The following GALNT10 variants were observed in gnomAD, a reference collection of about 807,000 sequenced individuals.
The protein encoded by GALNT10 is polypeptide N-acetylgalactosaminyltransferase 10.
A neutral mutation model predicts 75.0 loss-of-function variants in GALNT10; 41 were observed. That is an observed-to-expected ratio of 0.55 (90% CI 0.43 to 0.71). The LOEUF (loss-of-function observed/expected upper bound fraction) is 0.71. Ranked by LOEUF, GALNT10 falls within the 30% of genes least tolerant of loss-of-function variation. GALNT10 has a pLI of 0.00. For missense variants in GALNT10, 727 were observed against 818.5 expected (o/e 0.89, Z 1.36); for synonymous variants, 302 against 313.0 (o/e 0.96, Z 0.37).
At chr5:154,334,854 A>G (rs1416058928) in intron 4 of GALNT10, among the ~76,000 whole-genome samples, 2 of 152,202 alleles carry the variant, frequency 1.3e-5, no homozygotes, top group African/African-American at 4.8e-5. Context: ...TTCACATGGT[A>G]GTGAGCTCAC....
At chr5:154,374,544 A>T (rs1755626990) in intron 4 of GALNT10, among the ~76,000 whole-genome samples, 2 of 152,216 alleles carry the variant, frequency 1.3e-5, no homozygotes, top group Admixed American at 1.3e-4. Context: ...GCTGGAGTGC[A>T]GTGGCTCGAT....
chr5:154,217,006 G>C (rs373180718), intron 1 of GALNT10, among the ~76,000 whole-genome samples: 2 of 152,094 alleles, frequency 1.3e-5, no homozygotes, highest in East Asian at 3.9e-4. Flanking sequence ...TTATGAGACC[G>C]TTGTTACCTT....
intron 1 of GALNT10, among the ~76,000 whole-genome samples, chr5:154,244,166 G>C (rs1345078132): frequency 6.6e-6 from 1 of 152,200 alleles, no homozygotes; most frequent in Admixed American, 6.5e-5. Context: ...GCCACTGCTG[G>C]GAATGGAGTG....
intron 4 of GALNT10, chr5:154,338,044 A>G (rs1754970630): frequency 1.4e-6 from 2 of 1,392,622 alleles, no homozygotes; most frequent in African/African-American, 2.8e-5. Context: ...TCATTTTTCC[A>G]TACTGTTCAA....
intron 3 of GALNT10, among the ~76,000 whole-genome samples, chr5:154,323,443 G>A (rs1012281452): frequency 3.3e-5 from 5 of 152,146 alleles, no homozygotes; most frequent in Non-Finnish European, 5.9e-5. Context: ...TTTGGCCTTC[G>A]GACCATAGTT....
intron 4 of GALNT10, among the ~76,000 whole-genome samples, chr5:154,346,654 T>A (rs73283321): frequency 0.022 from 3,325 of 152,310 alleles, 95 homozygotes; most frequent in African/African-American, 0.074. Context: ...GAACCAAATG[T>A]TATGACCAGC....
chr5:154,224,431 T>C (rs958875360), intron 1 of GALNT10, among the ~76,000 whole-genome samples: 1 of 152,226 alleles, frequency 6.6e-6, no homozygotes, highest in African/African-American at 2.4e-5. Context: ...TCCATCTGTA[T>C]TTTGCATACT....
intron 4 of GALNT10, among the ~76,000 whole-genome samples, chr5:154,348,081 T>C (rs1291904472): frequency 2.0e-5 from 3 of 152,258 alleles, no homozygotes; most frequent in African/African-American, 7.2e-5. Flanking sequence ...CCAGAAGATG[T>C]ACATTTATTT....
At chr5:154,297,721 C>G (rs577493201) in intron 2 of GALNT10, among the ~76,000 whole-genome samples, 139 of 152,240 alleles carry the variant, frequency 9.1e-4, no homozygotes, top group African/African-American at 3.2e-3. Context: ...ATGTCCACCC[C>G]GCAGAGCTGC....
chr5:154,412,902 G>C lies in GALNT10; in HGVS notation c.1400G>C (p.Gly467Ala). The C allele has an allele frequency of 1.2e-6, 2 of 1,612,350 alleles. No homozygotes were observed. Among genetic ancestry groups the C allele is most frequent in the Non-Finnish European group, 1.7e-6 (2 of 1,178,510 alleles). The part of the protein sequence containing the change: ...AAAWGEIRNV[G>A]TGLCADTKHG... ...TTTCCCTTTCAGATCCGAAATGTGG[G>C]CACAGGGCTGTGTGCAGACACAAAG... is the stretch of plus-strand genomic sequence containing the variant. Residue 467 changes from glycine to alanine, a missense_variant, in exon 10 of 12, where the codon GGC (glycine) becomes GCC (alanine). Transcript: ENST00000297107. This position sits in a 1 kb window ranked among gnomAD's most constrained non-coding sequence, Gnocchi z 4.2.
intron 7 of GALNT10, among the ~76,000 whole-genome samples, chr5:154,390,261 A>T (rs775563484): frequency 3.4e-5 from 5 of 148,316 alleles, no homozygotes; most frequent in African/African-American, 5.1e-5. Flanking sequence ...GATAGAACGC[A>T]TGGCCCCCCA....
intron 7 of GALNT10, among the ~76,000 whole-genome samples, chr5:154,397,699 C>G (rs1263012041): frequency 6.6e-6 from 1 of 152,220 alleles, no homozygotes; most frequent in Non-Finnish European, 1.5e-5. Context: ...GTTTGAACTT[C>G]ATAGGGGTCC....
In GALNT10 at chr5:154,329,758, G is replaced by C. The variant is rs1327772815; in HGVS notation, c.568+20G>C. On this transcript the variant is annotated intron_variant, in intron 4 of 11. Coordinates refer to ENST00000297107, the MANE Select transcript of GALNT10 (RefSeq NM_198321.4). ...ATCGAGGTAGGATCCGTCCCACCCA[G>C]CCTCCCACCCTCTGTGCTTCATCTG... The C allele has an allele frequency of 1.3e-6, 2 of 1,584,684 alleles. No homozygotes were observed. The highest frequency in any genetic ancestry group is 2.2e-5 in the South Asian group (2 of 90,144).
Position 154,376,198 on chromosome 5 carries a change from A to G in GALNT10, c.569-79A>G, listed in dbSNP as rs1755649465. On this transcript the variant is annotated intron_variant, in intron 4 of 11. Coordinates refer to ENST00000297107, the MANE Select transcript of GALNT10 (RefSeq NM_198321.4). The surrounding 1 kb of genome is among the most constrained non-coding windows in gnomAD (Gnocchi z 4.1). ...AAGCTGTGTCTAGACTGTGAAGTGC[A>G]GTTCACATGTAAGGGAGGAGTCATA... The G allele has an allele frequency of 1.1e-6, 1 of 877,144 alleles. No homozygotes were observed. 54.3% of individuals were successfully genotyped at this position (877,144 alleles called of 1,614,324 possible). A position where few individuals can be genotyped will look rare whatever the true frequency, so the allele number is the denominator to read the frequency against.
intron 1 of GALNT10, among the ~76,000 whole-genome samples, chr5:154,201,436 A>G (rs1775027321): frequency 6.6e-6 from 1 of 152,224 alleles, no homozygotes; most frequent in Non-Finnish European, 1.5e-5. Flanking sequence ...GTGTAAGTAT[A>G]TAAACCTTAG....
At chr5:154,362,809 T>G (rs1054750924) in intron 4 of GALNT10, among the ~76,000 whole-genome samples, 1 of 152,252 alleles carries the variant, frequency 6.6e-6, no homozygotes, top group Non-Finnish European at 1.5e-5. Context: ...GTGAGACAGC[T>G]CTTCTTATCA....
At chr5:154,286,634 G>T (rs1424707003) in intron 1 of GALNT10, among the ~76,000 whole-genome samples, 1 of 152,164 alleles carries the variant, frequency 6.6e-6, no homozygotes, top group African/African-American at 2.4e-5. Context: ...GAATTGGAGG[G>T]TTGATATGGT....
rs376491752 is a variant in GALNT10, at chr5:154,228,850, G to A, written c.159+37825G>A. Among the ~76,000 whole-genome samples, 4 of 152,336 alleles carry A rather than the reference G, an allele frequency of 2.6e-5. No individual in the cohort carries two copies. The East Asian group carries it at 7.7e-4, about 29-fold the overall frequency. On this transcript the variant is annotated intron_variant, in intron 1 of 11. Transcript: ENST00000297107. ...GCCCTCAAAATGAAAGCCAGTTTCA[G>A]TTCTCCACTTAACTCTGGGTTCTCA...
At chr5:154,296,832 T>C (rs1051052118) in intron 2 of GALNT10, among the ~76,000 whole-genome samples, 7 of 152,174 alleles carry the variant, frequency 4.6e-5, no homozygotes, top group Admixed American at 6.5e-5. Flanking sequence ...CCTCATGTTA[T>C]CTGTCCTGGG....
Sources: allele counts gnomAD v4.1 joint callset (sites outside exome capture counted in the v4.1 genomes callset), GRCh38; gene constraint gnomAD v4.1.1; non-coding constraint Gnocchi (gnomAD v3.1); transcripts MANE v1.5; gene names NCBI Gene and HGNC (gene_info 2026-07-23, HGNC 2026-07-21).